Variants in CCDC60 observed in about 807,000 individuals in gnomAD.
CCDC60 encodes coiled-coil domain containing 60.
Under a neutral mutation model 63.5 loss-of-function variants are expected in CCDC60, and 54 were observed. The ratio of observed to expected loss-of-function variants is 0.85; its 90% CI spans 0.68 to 1.07. The LOEUF (loss-of-function observed/expected upper bound fraction) is 1.07. Ranked by LOEUF, CCDC60 falls within the 50% of genes least tolerant of loss-of-function variation. The pLI, the probability that CCDC60 is intolerant of heterozygous loss-of-function variation, is 0.00. For missense variants in CCDC60, 651 were observed against 684.3 expected, an observed-to-expected ratio of 0.95 and a Z score of 0.54; for synonymous variants, 206 against 238.8, an observed-to-expected ratio of 0.86 and a Z score of 1.27.
At chr12:119,353,869 T>TTA (rs1214102514) in intron 1 of CCDC60, among the ~76,000 whole-genome samples, 1 of 152,118 alleles carries the variant, frequency 6.6e-6, no homozygotes, top group African/African-American at 2.4e-5. Context: ...GGTCCAGAGT[T>TTA]TGAGACCAGC....
At chr12:119,441,916 A>G (rs977849340) in intron 2 of CCDC60, among the ~76,000 whole-genome samples, 10 of 152,218 alleles carry the variant, frequency 6.6e-5, no homozygotes, top group African/African-American at 2.4e-4. Context: ...CTAAAAGTGA[A>G]ATAATTGGCT....
intron 3 of CCDC60, among the ~76,000 whole-genome samples, chr12:119,477,420 A>G (rs1170974077): frequency 2.6e-5 from 4 of 152,238 alleles, no homozygotes; most frequent in Non-Finnish European, 4.4e-5. Context: ...ATTCTAGGCT[A>G]TTAAAGCACT....
chr12:119,464,310 C>G (rs1479380546), intron 2 of CCDC60, among the ~76,000 whole-genome samples: 3 of 124,484 alleles, frequency 2.4e-5, no homozygotes, highest in Non-Finnish European at 4.9e-5. Context: ...ACCCCCCCCC[C>G]ACTCTTCCTT....
intron 1 of CCDC60, among the ~76,000 whole-genome samples, chr12:119,361,338 T>G (rs1955789339): frequency 6.6e-6 from 1 of 152,170 alleles, no homozygotes; most frequent in Non-Finnish European, 1.5e-5. Flanking sequence ...ACAGAAACTC[T>G]AAGGTTTCAG....
intron 1 of CCDC60, among the ~76,000 whole-genome samples, chr12:119,403,573 A>G (rs1229539594): frequency 2.6e-5 from 4 of 152,124 alleles, no homozygotes; most frequent in Non-Finnish European, 5.9e-5. Context: ...GGAGAGTCCC[A>G]GCAGCCACAC....
intron 1 of CCDC60, among the ~76,000 whole-genome samples, chr12:119,391,478 A>G (rs1175128739): frequency 6.6e-6 from 1 of 152,250 alleles, no homozygotes. Context: ...GTCACCACCC[A>G]TACCTCATAG....
At chr12:119,354,792 A>G (rs1219511401) in intron 1 of CCDC60, among the ~76,000 whole-genome samples, 2 of 152,218 alleles carry the variant, frequency 1.3e-5, no homozygotes, top group East Asian at 3.8e-4. Flanking sequence ...GCACTCAGAC[A>G]CTGTCTTTAT....
At chr12:119,390,501 A>G (rs1329771255) in intron 1 of CCDC60, among the ~76,000 whole-genome samples, 1 of 152,268 alleles carries the variant, frequency 6.6e-6, no homozygotes, top group African/African-American at 2.4e-5. Flanking sequence ...TTTTTTAAAT[A>G]GATGAATCAG....
chr12:119,509,963 A>AT (rs1033453614), intron 7 of CCDC60, among the ~76,000 whole-genome samples: 29 of 151,586 alleles, frequency 1.9e-4, no homozygotes, highest in African/African-American at 5.8e-4. Flanking sequence ...GAGCAAATTG[A>AT]TTTTTTTTTA....
intron 1 of CCDC60, among the ~76,000 whole-genome samples, chr12:119,424,349 C>A (rs947896210): frequency 5.3e-5 from 8 of 152,220 alleles, no homozygotes; most frequent in African/African-American, 1.7e-4. Flanking sequence ...CATAGCAGCA[C>A]TAAGTGGTAG....
intron 1 of CCDC60, among the ~76,000 whole-genome samples, chr12:119,409,854 C>G (rs1183109567): frequency 6.6e-6 from 1 of 151,924 alleles, no homozygotes; most frequent in Non-Finnish European, 1.5e-5. Flanking sequence ...TGTGTGTCTC[C>G]TTCTCACTCT....
intron 4 of CCDC60, among the ~76,000 whole-genome samples, chr12:119,484,197 T>C (rs1951387475): frequency 6.6e-6 from 1 of 152,152 alleles, no homozygotes; most frequent in Non-Finnish European, 1.5e-5. Flanking sequence ...ACTGAGGCCC[T>C]TTATGCCTCA....
intron 1 of CCDC60, among the ~76,000 whole-genome samples, chr12:119,395,011 T>C (rs752286795): frequency 3.9e-5 from 6 of 152,198 alleles, no homozygotes; most frequent in Non-Finnish European, 8.8e-5. Flanking sequence ...AAGTTGGGTC[T>C]TGAAGGATGA....
intron 1 of CCDC60, chr12:119,402,239 C>T (rs984598192): frequency 6.6e-6 from 1 of 152,226 alleles, no homozygotes; most frequent in African/African-American, 2.4e-5. Context: ...GTAATCTTAT[C>T]TGCCAAAGAC....
intron 1 of CCDC60, among the ~76,000 whole-genome samples, chr12:119,383,561 G>A (rs1343327047): frequency 1.3e-5 from 2 of 152,202 alleles, no homozygotes; most frequent in Non-Finnish European, 2.9e-5. Flanking sequence ...TGGGCTGTGT[G>A]CGAGAGCAGA....
At chr12:119,538,208 C>T (rs1953065460) in intron 13 of CCDC60, among the ~76,000 whole-genome samples, 1 of 152,248 alleles carries the variant, frequency 6.6e-6, no homozygotes, top group Non-Finnish European at 1.5e-5. Context: ...GCTCCATGGG[C>T]ATGGGACCTG....
At chr12:119,436,030 G>T (rs1393116388) in intron 2 of CCDC60, among the ~76,000 whole-genome samples, 1 of 152,190 alleles carries the variant, frequency 6.6e-6, no homozygotes, top group African/African-American at 2.4e-5. Context: ...AAGTATGTGA[G>T]ATCTTTTGAG....
intron 2 of CCDC60, among the ~76,000 whole-genome samples, chr12:119,459,002 C>T (rs553663215): frequency 2.0e-5 from 3 of 152,276 alleles, no homozygotes; most frequent in African/African-American, 7.2e-5. Context: ...CCTCCGTCGG[C>T]CGCCCAAAGT....
intron 1 of CCDC60, among the ~76,000 whole-genome samples, chr12:119,370,886 GC>G (rs1955890718): frequency 6.6e-6 from 1 of 152,022 alleles, no homozygotes; most frequent in African/African-American, 2.4e-5. Flanking sequence ...AAAAAACTTA[GC>G]CAGGTATAGT....
Sources: gnomAD v4.1 joint callset for allele counts (sites outside exome capture counted in the v4.1 genomes callset) on GRCh38, gnomAD v4.1.1 for gene constraint, MANE v1.5 for transcripts, NCBI Gene and HGNC (gene_info 2026-07-23, HGNC 2026-07-21) for gene names.